Variants in CACHD1 observed in about 807,000 individuals in gnomAD.
CACHD1 encodes cache domain containing 1, also known as VWFA and cache domain-containing protein 1.
In CACHD1, 71 loss-of-function variants were observed where a neutral mutation model predicts 138.7. That is an observed-to-expected ratio of 0.51 (90% CI 0.42 to 0.62). The LOEUF (loss-of-function observed/expected upper bound fraction) is 0.62, where lower values mean the gene tolerates loss of function less well. CACHD1 is among the 20% of genes least tolerant of loss of function. The probability of loss-of-function intolerance (pLI) is 0.00; values close to 1 mark genes in which losing one functional copy is unlikely to be tolerated. For missense variants in CACHD1, 1,389 were observed against 1,625.3 expected (o/e 0.85, Z 2.50); for synonymous variants, 578 against 591.5 (o/e 0.98, Z 0.33).
At chr1:64,631,221 G>T (rs1420195888) in intron 5 of CACHD1, among the ~76,000 whole-genome samples, 1 of 152,224 alleles carries the variant, frequency 6.6e-6, no homozygotes, top group Non-Finnish European at 1.5e-5. Flanking sequence ...CAAAGGAAGT[G>T]TGTCATTTTA....
rs372935667 is a variant in CACHD1 at position 64,527,527 on chromosome 1, C to T, written c.199-23067C>T. ...TCATTTTGTGTGATGGCATTTGCTG[C>T]GTTTTTAGGGTCTGGAGGAAGTGAA... is the stretch of plus-strand genomic sequence containing the variant. On this transcript the variant is annotated intron_variant, in intron 1 of 26. Coordinates refer to ENST00000651257, the MANE Select transcript of CACHD1 (RefSeq NM_020925.4). Among the ~76,000 whole-genome samples the T allele has an allele frequency of 4.6e-5, 7 of 152,242 alleles. No homozygotes were observed. The East Asian group carries it at 5.8e-4, about 13-fold the overall frequency.
intron 5 of CACHD1, among the ~76,000 whole-genome samples, chr1:64,630,316 T>C (rs925682484): frequency 4.0e-5 from 6 of 151,642 alleles, no homozygotes; most frequent in Admixed American, 6.6e-5. Flanking sequence ...TTTTTTTTTT[T>C]CCTGAGATGG....
At chr1:64,651,779 T>C (rs1346826375) in intron 9 of CACHD1, among the ~76,000 whole-genome samples, 2 of 152,248 alleles carry the variant, frequency 1.3e-5, no homozygotes, top group Non-Finnish European at 2.9e-5. Flanking sequence ...TTAGATTCAT[T>C]GTCCATTGAT....
In CACHD1 at chr1:64,640,408, G is replaced by T. The variant is rs376184666; in HGVS notation, c.1007-1412G>T. Among the ~76,000 whole-genome samples the T allele has an allele frequency of 3.5e-4, 53 of 149,418 alleles. No individual in the cohort carries two copies. In the East Asian group the frequency reaches 6.4e-3, roughly 18 times the overall value. On this transcript the variant is annotated intron_variant, in intron 7 of 26. Coordinates refer to ENST00000651257, the MANE Select transcript of CACHD1 (RefSeq NM_020925.4). ...ATTTTTATTGAGGCCAGGCGTGGTG[G>T]CTCACGCCTGTAATCCCAGCATTTT...
At chr1:64,598,168 C>A (rs1174970004) in intron 3 of CACHD1, among the ~76,000 whole-genome samples, 1 of 152,168 alleles carries the variant, frequency 6.6e-6, no homozygotes, top group Admixed American at 6.5e-5. Context: ...GATAAGCACT[C>A]TTCACTTTTG....
chr1:64,480,948 A>G (rs548063394), intron 1 of CACHD1, among the ~76,000 whole-genome samples: 1 of 151,248 alleles, frequency 6.6e-6, no homozygotes, highest in Non-Finnish European at 1.5e-5. Context: ...CATTCATTTA[A>G]TTTGATGATG....
At chr1:64,588,688 C>T (rs564455729) in intron 3 of CACHD1, among the ~76,000 whole-genome samples, 67 of 152,242 alleles carry the variant, frequency 4.4e-4, no homozygotes, top group Admixed American at 9.2e-4. Flanking sequence ...CAGATCAATA[C>T]TTTTATTGTC....
At chr1:64,579,790 C>G (rs982589833) in intron 2 of CACHD1, 18 of 153,994 alleles carry the variant, frequency 1.2e-4, no homozygotes, top group African/African-American at 4.1e-4. Context: ...TAATGCCAGG[C>G]AGTGTGCTAG....
chr1:64,684,324 A>AT (rs1471365101), intron 26 of CACHD1, among the ~76,000 whole-genome samples: 4 of 119,518 alleles, frequency 3.3e-5, no homozygotes, highest in Admixed American at 1.6e-4. Flanking sequence ...ATTTAGTCAT[A>AT]TTCGTGGATT....
chr1:64,606,858 C>A (rs954433841), intron 4 of CACHD1, among the ~76,000 whole-genome samples: 5 of 152,032 alleles, frequency 3.3e-5, no homozygotes, highest in Admixed American at 6.6e-5. Context: ...AGAGAGGAGT[C>A]CAGAAAGACT....
chr1:64,502,125 T>G (rs1273135670), intron 1 of CACHD1, among the ~76,000 whole-genome samples: 1 of 152,182 alleles, frequency 6.6e-6, no homozygotes, highest in African/African-American at 2.4e-5. Context: ...CAACAGAGAT[T>G]TTTCCTTGTT....
At chr1:64,634,644 C>T (rs934549817) in intron 7 of CACHD1, among the ~76,000 whole-genome samples, 13 of 152,000 alleles carry the variant, frequency 8.6e-5, no homozygotes, top group South Asian at 2.1e-4. Flanking sequence ...CTTTGCCTCC[C>T]GAAGTACTGG....
chr1:64,545,159 A>G (rs919814574), intron 1 of CACHD1, among the ~76,000 whole-genome samples: 1 of 152,212 alleles, frequency 6.6e-6, no homozygotes, highest in Non-Finnish European at 1.5e-5. Flanking sequence ...ACATTTGTGT[A>G]TTTACAAAAA....
chr1:64,675,909 T>C lies in CACHD1; in HGVS notation c.2901T>C (p.Asn967=). The C allele has an allele frequency of 6.5e-7, 1 of 1,541,676 alleles. No homozygotes were observed. The highest frequency in any genetic ancestry group is 8.7e-7 in the Non-Finnish European group (1 of 1,143,162). Residue 967 remains asparagine, a synonymous_variant, in exon 21 of 27, where the codon AAT becomes AAC. Transcript: ENST00000651257. ...LCLNCHRMEQ[N]ECECPCECPL... ...TTTTGCTTTTCAGAATGGAACAAAA[T>C]GAATGTGAATGTCCTTGTGAGTGCC...
chr1:64,583,852 G>C (rs556202408), intron 3 of CACHD1, among the ~76,000 whole-genome samples: 1 of 152,252 alleles, frequency 6.6e-6, no homozygotes, highest in African/African-American at 2.4e-5. Context: ...GAACAGCACA[G>C]GAAAACCCAC....
intron 1 of CACHD1, among the ~76,000 whole-genome samples, chr1:64,508,633 C>A (rs1318512787): frequency 1.3e-5 from 2 of 152,178 alleles, no homozygotes; most frequent in Admixed American, 1.3e-4. Context: ...ACATTAAACA[C>A]CTGCTGCCCT....
chr1:64,517,581 G>A (rs1413619775), intron 1 of CACHD1, among the ~76,000 whole-genome samples: 3 of 152,112 alleles, frequency 2.0e-5, no homozygotes, highest in African/African-American at 7.2e-5. Flanking sequence ...GGCAGAGCTT[G>A]GCCCAGTGGG....
rs545482118 is a variant in CACHD1, at chr1:64,687,585, T to C, written c.3587-3738T>C. Among the ~76,000 whole-genome samples the C allele has an allele frequency of 1.6e-3, 239 of 152,258 alleles. 8 individuals are homozygous for C. The highest frequency in any genetic ancestry group is 0.015 in the Admixed American group (228 of 15,300). ...GCCTTGGAGACAGCTGCACCATCACTACCGTCCTGGATGTGAACCCAGGAC... is the reference window on the plus strand; with the variant it reads ...GCCTTGGAGACAGCTGCACCATCACCACCGTCCTGGATGTGAACCCAGGAC... On this transcript the variant is annotated intron_variant, in intron 26 of 26. Transcript: ENST00000651257.
chr1:64,561,768 C>T (rs7550855), intron 2 of CACHD1, among the ~76,000 whole-genome samples: 1 of 150,252 alleles, frequency 6.7e-6, no homozygotes, highest in African/African-American at 2.5e-5. Flanking sequence ...TGAGGTGGGA[C>T]GATTGGTTGA....
Sources: allele counts gnomAD v4.1 joint callset (sites outside exome capture counted in the v4.1 genomes callset), GRCh38; gene constraint gnomAD v4.1.1; transcripts MANE v1.5; gene names NCBI Gene and HGNC (gene_info 2026-07-23, HGNC 2026-07-21).